The following KHDRBS2 variants were observed in gnomAD, a reference collection of about 807,000 sequenced individuals.
KHDRBS2 encodes KH domain-containing, RNA-binding, signal transduction-associated protein 2.
A neutral mutation model predicts 44.3 loss-of-function variants in KHDRBS2; 26 were observed. The observed-to-expected ratio is 0.59, with a 90% CI of 0.43 to 0.81. KHDRBS2 has a LOEUF of 0.81. Ranked by LOEUF, KHDRBS2 falls within the 40% of genes least tolerant of loss-of-function variation. The probability of loss-of-function intolerance (pLI) is 0.00; values close to 1 mark genes in which losing one functional copy is unlikely to be tolerated. For missense variants in KHDRBS2, 476 were observed against 433.1 expected, an observed-to-expected ratio of 1.10 and a Z score of -0.88; for synonymous variants, 194 against 151.1, an observed-to-expected ratio of 1.28 and a Z score of -2.08.
intron 6 of KHDRBS2, among the ~76,000 whole-genome samples, chr6:61,851,453 A>T (rs1027144492): frequency 1.3e-5 from 2 of 152,050 alleles, no homozygotes; most frequent in Non-Finnish European, 2.9e-5. Context: ...GTATCTGGAG[A>T]CGCAGCTTTT....
chr6:61,976,659 T>C (rs1204196623), intron 4 of KHDRBS2, among the ~76,000 whole-genome samples: 1 of 152,170 alleles, frequency 6.6e-6, no homozygotes, highest in Non-Finnish European at 1.5e-5. Context: ...GGCTGGTCAA[T>C]GATAATTATC....
chr6:62,255,766 C>T (rs1225060672), intron 1 of KHDRBS2, among the ~76,000 whole-genome samples: 3 of 151,730 alleles, frequency 2.0e-5, no homozygotes, highest in African/African-American at 7.3e-5. Flanking sequence ...CTAGAGTACC[C>T]CAGGTAAAAC....
intron 3 of KHDRBS2, among the ~76,000 whole-genome samples, chr6:62,046,199 T>C (rs1252094590): frequency 6.6e-6 from 1 of 151,956 alleles, no homozygotes; most frequent in Non-Finnish European, 1.5e-5. Context: ...TTGTTTCCTA[T>C]TGGATTTTCC....
chr6:61,579,237 C>G, the KHDRBS2 span, among the ~76,000 whole-genome samples: 3 of 152,144 alleles, frequency 2.0e-5, no homozygotes, highest in Non-Finnish European at 4.4e-5. Context: ...CTGACCTCGG[C>G]TAAACTTCTC....
chr6:61,572,854 C>T, the KHDRBS2 span, among the ~76,000 whole-genome samples: 1 of 152,118 alleles, frequency 6.6e-6, no homozygotes, highest in Non-Finnish European at 1.5e-5. Context: ...AAACCCACAG[C>T]CAACATTACA....
the KHDRBS2 span, among the ~76,000 whole-genome samples, chr6:61,548,883 G>A: frequency 1.3e-5 from 2 of 152,212 alleles, no homozygotes; most frequent in South Asian, 2.1e-4. Flanking sequence ...ACTCAGGAGA[G>A]TAGGCTGCGT....
chr6:62,049,418 TAAG>T (rs533521087), intron 2 of KHDRBS2, among the ~76,000 whole-genome samples: 99 of 151,316 alleles, frequency 6.5e-4, no homozygotes, highest in African/African-American at 2.2e-3. Flanking sequence ...ATAAAGATTC[TAAG>T]AAGAAAGCAT....
chr6:61,864,797 G>T (rs1463081835), intron 6 of KHDRBS2, among the ~76,000 whole-genome samples: 2 of 152,146 alleles, frequency 1.3e-5, no homozygotes, highest in African/African-American at 2.4e-5. Context: ...TCCTGAATTT[G>T]AATGCTGTCC....
chr6:61,932,382 T>C (rs1377714824), intron 4 of KHDRBS2, among the ~76,000 whole-genome samples: 2 of 152,220 alleles, frequency 1.3e-5, no homozygotes, highest in African/African-American at 4.8e-5. Context: ...TTATTCCTCC[T>C]ATCTAACTGT....
chr6:61,903,817 A>C (rs570709614), intron 4 of KHDRBS2, among the ~76,000 whole-genome samples: 1 of 152,124 alleles, frequency 6.6e-6, no homozygotes, highest in East Asian at 1.9e-4. Context: ...GAAGGATGAG[A>C]GGTAACGTGA....
intron 7 of KHDRBS2, among the ~76,000 whole-genome samples, chr6:61,715,919 C>G (rs939945276): frequency 2.0e-5 from 3 of 151,622 alleles, no homozygotes; most frequent in African/African-American, 7.3e-5. Flanking sequence ...TTGCCAGTAT[C>G]TAAAAATCAG....
intron 2 of KHDRBS2, among the ~76,000 whole-genome samples, chr6:62,088,871 A>G (rs1267459069): frequency 6.6e-6 from 1 of 152,158 alleles, no homozygotes; most frequent in Non-Finnish European, 1.5e-5. Flanking sequence ...AGTTTTATCT[A>G]TAAGCCCCTG....
intron 1 of KHDRBS2, among the ~76,000 whole-genome samples, chr6:62,211,101 C>A (rs1467310912): frequency 6.6e-6 from 1 of 152,014 alleles, no homozygotes; most frequent in Non-Finnish European, 1.5e-5. Context: ...CCAGAAAAAA[C>A]AAGGCTACAC....
At chr6:62,065,418 T>C (rs1584470366) in intron 2 of KHDRBS2, among the ~76,000 whole-genome samples, 1 of 150,800 alleles carries the variant, frequency 6.6e-6, no homozygotes, top group Non-Finnish European at 1.5e-5. Context: ...ATTAAGAAAA[T>C]GTGGTACATA....
intron 6 of KHDRBS2, among the ~76,000 whole-genome samples, chr6:61,810,188 A>G (rs1042191742): frequency 6.6e-6 from 1 of 151,952 alleles, no homozygotes; most frequent in Non-Finnish European, 1.5e-5. Context: ...TGGCCTCTGT[A>G]TGGTAATATT....
rs1562512848 is a variant in KHDRBS2 at position 61,954,785 on chromosome 6, TACAC to T, written c.483+23277_483+23280del. Among the ~76,000 whole-genome samples, 12 of 113,432 alleles carry T rather than the reference TACAC, an allele frequency of 1.1e-4. 1 individual carries two copies. The highest frequency in any genetic ancestry group is 3.6e-4 in the African/African-American group (11 of 30,856). 74.4% of individuals were successfully genotyped at this position (113,432 alleles called of 152,430 possible). On this transcript the variant is annotated intron_variant, in intron 4 of 8. Transcript: ENST00000281156. The stretch of plus-strand genomic sequence containing the variant: ...GTATGTATACATACATATGTGTATA[TACAC>T]ATGCATATGTATGTATACATACGCA...
At chr6:62,037,144 A>G (rs1165166912) in intron 3 of KHDRBS2, among the ~76,000 whole-genome samples, 2 of 151,958 alleles carry the variant, frequency 1.3e-5, no homozygotes, top group African/African-American at 4.8e-5. Context: ...GTTTCTTTAG[A>G]TTATTAGTAT....
At chr6:61,914,061 T>A (rs9453512) in intron 4 of KHDRBS2, among the ~76,000 whole-genome samples, 118,146 of 151,904 alleles carry the variant, frequency 0.78, 46,346 homozygotes, top group African/African-American at 0.87. Context: ...GAGAGTATTC[T>A]GGCTGCCATG....
intron 1 of KHDRBS2, among the ~76,000 whole-genome samples, chr6:62,257,235 C>A (rs1301035228): frequency 3.3e-5 from 5 of 152,002 alleles, no homozygotes; most frequent in African/African-American, 1.2e-4. Context: ...CAATAAAATG[C>A]ACTGTTATGA....
Sources: gnomAD v4.1 joint callset for allele counts (sites outside exome capture counted in the v4.1 genomes callset) on GRCh38, gnomAD v4.1.1 for gene constraint, MANE v1.5 for transcripts, NCBI Gene and HGNC (gene_info 2026-07-23, HGNC 2026-07-21) for gene names.